RAB10: variants seen among roughly 807,000 people sequenced by gnomAD.
RAB10 encodes the protein ras-related protein Rab-10.
RAB10 carries 5 observed loss-of-function variants against 25.7 expected under a neutral mutation model. That is an observed-to-expected ratio of 0.19 (90% CI 0.10 to 0.41). The LOEUF (loss-of-function observed/expected upper bound fraction) is 0.41, where lower values mean the gene tolerates loss of function less well. Ranked by LOEUF, RAB10 falls within the 10% of genes least tolerant of loss-of-function variation. RAB10 has a pLI of 1.00. For synonymous variants in RAB10, 89 were observed against 86.4 expected (o/e 1.03, Z -0.16); for missense variants, 103 against 245.8 (o/e 0.42, Z 3.89).
chr2:26,073,007 C>A (rs1288700040), intron 1 of RAB10, among the ~76,000 whole-genome samples: 1 of 152,114 alleles, frequency 6.6e-6, no homozygotes, highest in Admixed American at 6.6e-5. Context: ...ATTTGAGAAG[C>A]ATTGGTGTAC....
At chr2:26,082,802 C>G (rs535748730) in intron 1 of RAB10, among the ~76,000 whole-genome samples, 1 of 152,078 alleles carries the variant, frequency 6.6e-6, no homozygotes, top group East Asian at 1.9e-4. Context: ...TGACCTATCC[C>G]TAATGAACAT....
In RAB10 at chr2:26,094,311, G is replaced by T. The variant is rs184291018; in HGVS notation, c.128-4351G>T. Reference sequence around the variant, plus strand: ...TTGTCACCCAGGCTGGAGTGCAGTGGCACGGTCTTGACTCACTGCAACCTC... The same window carrying T: ...TTGTCACCCAGGCTGGAGTGCAGTGTCACGGTCTTGACTCACTGCAACCTC... On this transcript the variant is annotated intron_variant, in intron 1 of 5. Transcript: ENST00000264710. 2.6e-5 allele frequency among the ~76,000 whole-genome samples: 4 copies of T among 152,046 alleles called. No homozygotes were observed. In the East Asian group the frequency reaches 7.7e-4, roughly 29 times the overall value.
intron 1 of RAB10, among the ~76,000 whole-genome samples, chr2:26,092,409 A>G (rs1002256680): frequency 5.9e-5 from 9 of 151,982 alleles, no homozygotes; most frequent in African/African-American, 9.7e-5. Flanking sequence ...GACAGCACAT[A>G]TAGGTAACTT....
At chr2:26,118,291 C>T (rs1330377145) in intron 3 of RAB10, among the ~76,000 whole-genome samples, 4 of 151,124 alleles carry the variant, frequency 2.6e-5, no homozygotes, top group African/African-American at 7.3e-5. Context: ...CTTTTAGCTC[C>T]AATTTTTACA....
At chr2:26,130,930 C>G (rs1453081832) in intron 5 of RAB10, among the ~76,000 whole-genome samples, 1 of 151,778 alleles carries the variant, frequency 6.6e-6, no homozygotes. Context: ...GTGAAACGCT[C>G]TTGTCTCTGT....
chr2:26,096,468 T>C (rs537721779), intron 1 of RAB10, among the ~76,000 whole-genome samples: 1 of 151,786 alleles, frequency 6.6e-6, no homozygotes, highest in Admixed American at 6.5e-5. Context: ...ATGGATCTTC[T>C]AGTAATGTTT....
chr2:26,129,815 G>A (rs1052458935), intron 5 of RAB10, among the ~76,000 whole-genome samples: 4 of 152,112 alleles, frequency 2.6e-5, no homozygotes, highest in Admixed American at 2.6e-4. Context: ...ATCAAAAATT[G>A]AATTTTATTT....
At chr2:26,053,209 T>C (rs1574529031) in intron 1 of RAB10, among the ~76,000 whole-genome samples, 1 of 152,216 alleles carries the variant, frequency 6.6e-6, no homozygotes, top group African/African-American at 2.4e-5. Flanking sequence ...GGGTGAATGA[T>C]ATTTTGCTAT....
intron 1 of RAB10, among the ~76,000 whole-genome samples, chr2:26,036,122 C>A (rs887631276): frequency 1.3e-5 from 2 of 152,200 alleles, no homozygotes; most frequent in Non-Finnish European, 2.9e-5. Flanking sequence ...TAACACTCCA[C>A]TTTTAGCTGT....
intron 1 of RAB10, among the ~76,000 whole-genome samples, chr2:26,050,700 T>C (rs183697667): frequency 6.6e-6 from 1 of 152,288 alleles, no homozygotes; most frequent in Admixed American, 6.5e-5. Flanking sequence ...ACAGCCTTAC[T>C]GCAGCCTCAA....
At chr2:26,110,883 TG>T (rs1218104042) in intron 3 of RAB10, among the ~76,000 whole-genome samples, 2 of 152,074 alleles carry the variant, frequency 1.3e-5, no homozygotes, top group Non-Finnish European at 1.5e-5. Flanking sequence ...TTTTTGTATT[TG>T]TAGTAGAGAT....
intron 2 of RAB10, chr2:26,101,725 G>GC (rs5829997): frequency 1 from 152,263 of 152,264 alleles, 76,131 homozygotes; most frequent in Non-Finnish European, 1. Context: ...GTGAATGGTG[G>GC]CCTGCAGATG....
At chr2:26,106,710 A>G (rs1440714649) in intron 2 of RAB10, among the ~76,000 whole-genome samples, 1 of 150,540 alleles carries the variant, frequency 6.6e-6, no homozygotes, top group Non-Finnish European at 1.5e-5. Flanking sequence ...ACATGGCAAA[A>G]CCCCGTCTCT....
At chr2:26,098,439 C>G (rs2149280092) in intron 1 of RAB10, 1 of 467,064 alleles carries the variant, frequency 2.1e-6, no homozygotes, top group South Asian at 2.4e-5. Flanking sequence ...ATGCCCAGCC[C>G]AAAACTTGGT....
chr2:26,046,765 T>C (rs1666020307), intron 1 of RAB10, among the ~76,000 whole-genome samples: 1 of 152,108 alleles, frequency 6.6e-6, no homozygotes, highest in Admixed American at 6.6e-5. Flanking sequence ...CTTCCAAGGT[T>C]TAAAACATTA....
At chr2:26,044,274 G>T (rs2149261962) in intron 1 of RAB10, among the ~76,000 whole-genome samples, 1 of 152,318 alleles carries the variant, frequency 6.6e-6, no homozygotes, top group South Asian at 2.1e-4. Flanking sequence ...GGCCCCTCCT[G>T]TTCCAGGTGT....
intron 3 of RAB10, among the ~76,000 whole-genome samples, chr2:26,117,243 A>C (rs944608295): frequency 6.6e-6 from 1 of 151,852 alleles, no homozygotes; most frequent in African/African-American, 2.4e-5. Flanking sequence ...TCAAGGGACA[A>C]CTCTTGGGAT....
chr2:26,084,711 T>TCTTCCATAGTTCTG (rs11267660), intron 1 of RAB10, among the ~76,000 whole-genome samples: 3 of 151,950 alleles, frequency 2.0e-5, no homozygotes, highest in Non-Finnish European at 2.9e-5. Flanking sequence ...TTTTACCCCT[T>TCTTCCATAGTTCTG]CAGTTTCAGT....
At chr2:26,120,426 G>A (rs1667779450) in intron 3 of RAB10, among the ~76,000 whole-genome samples, 1 of 152,176 alleles carries the variant, frequency 6.6e-6, no homozygotes, top group African/African-American at 2.4e-5. Context: ...CTTAGATTCT[G>A]AGATCAAAAT....
Sources: allele counts gnomAD v4.1 joint callset (sites outside exome capture counted in the v4.1 genomes callset), GRCh38; gene constraint gnomAD v4.1.1; transcripts MANE v1.5; gene names NCBI Gene and HGNC (gene_info 2026-07-23, HGNC 2026-07-21).